The following XRCC1 variants were observed in gnomAD, a reference collection of about 807,000 sequenced individuals.
The protein encoded by XRCC1 is X-ray repair cross complementing 1, also known as DNA repair protein XRCC1.
A neutral mutation model predicts 83.3 loss-of-function variants in XRCC1; 52 were observed. The observed-to-expected ratio is 0.62, with a 90% CI of 0.50 to 0.79. The LOEUF (loss-of-function observed/expected upper bound fraction) is 0.79. XRCC1 is among the 30% of genes least tolerant of loss of function. The probability of loss-of-function intolerance (pLI) is 0.00; values close to 1 mark genes in which losing one functional copy is unlikely to be tolerated. For synonymous variants in XRCC1, 281 were observed against 312.6 expected (o/e 0.90, Z 1.07); for missense variants, 793 against 823.5 (o/e 0.96, Z 0.45).
intron 2 of XRCC1, among the ~76,000 whole-genome samples, chr19:43,562,577 C>G (rs1189994331): frequency 1.3e-5 from 2 of 152,102 alleles, no homozygotes; most frequent in African/African-American, 4.8e-5. Context: ...GACCTTGTCT[C>G]TACAAAAATT....
At position 43,543,645 on chromosome 19, in the gene XRCC1, G is replaced by T. The variant is rs746529371; in HGVS notation, c.1755C>A (p.Ile585=). 1 of 1,613,862 alleles carries T rather than the reference G, an allele frequency of 6.2e-7. No homozygotes were observed. Among genetic ancestry groups the T allele is most frequent in the African/African-American group, 1.3e-5 (1 of 74,836 alleles). Residue 585 remains isoleucine, a synonymous_variant, in exon 16 of 17, where the codon ATC becomes ATA. Transcript: ENST00000262887. ...DYMSDRVQFV[I]TAQEWDPSFE... The stretch of plus-strand genomic sequence containing the variant: ...AGCTGGGATCCCATTCCTGTGCTGT[G>T]ATCACAAACTGAACCCGGTCACTCA...
At chr19:43,548,608 C>T (rs1972542346) in intron 10 of XRCC1, among the ~76,000 whole-genome samples, 2 of 152,154 alleles carry the variant, frequency 1.3e-5, no homozygotes, top group Admixed American at 6.5e-5. Context: ...ACTCCCTAAT[C>T]TCAAGTACCC....
At chr19:43,555,104 C>T (rs1972622489) in intron 3 of XRCC1, 1 of 243,390 alleles carries the variant, frequency 4.1e-6, no homozygotes, top group Admixed American at 5.5e-5. Context: ...ACTTTCCCGG[C>T]AGAGAATATT....
Position 43,554,684 on chromosome 19 carries a change from C to T in XRCC1, c.376G>A (p.Asp126Asn). The change falls in exon 4 of 17, where the codon GAC becomes AAC. Residue 126 changes from aspartate (D) to asparagine (N), a missense_variant. Coordinates refer to ENST00000262887, the MANE Select transcript of XRCC1 (RefSeq NM_006297.3). ...LVRAAAEKRW[D>N]RVKIVCSQPY... ...TGGCTGCAAACAATTTTGACCCGGT[C>T]CCAGCGCTTCTCGGCGGCTGCCCGG... is the stretch of plus-strand genomic sequence containing the variant. 6.2e-7 allele frequency: 1 copy of T among 1,613,904 alleles called. No individual in the cohort carries two copies. Among genetic ancestry groups the T allele is most frequent in the Non-Finnish European group, 8.5e-7 (1 of 1,179,844 alleles).
chr19:43,560,368 C>T (rs1260781120), intron 3 of XRCC1, among the ~76,000 whole-genome samples: 2 of 151,440 alleles, frequency 1.3e-5, no homozygotes, highest in Non-Finnish European at 2.9e-5. Flanking sequence ...TGCACTCACT[C>T]CAGCCTGGGC....
chr19:43,561,363 T>C (rs1972697395), intron 2 of XRCC1, among the ~76,000 whole-genome samples: 1 of 152,184 alleles, frequency 6.6e-6, no homozygotes, highest in African/African-American at 2.4e-5. Context: ...CAAATCATCA[T>C]GCAGACAAAC....
rs188496067 is a variant in XRCC1 at position 43,547,069 on chromosome 19, T to C, written c.1200-92A>G. On this transcript the variant is annotated intron_variant, in intron 10 of 16. Coordinates refer to ENST00000262887, the MANE Select transcript of XRCC1 (RefSeq NM_006297.3). ...CAGCCATTGGCATTTACTAAAATAC[T>C]CACTCTAGTGGGCCTCATGGTCTTG... 1.3e-4 allele frequency: 159 copies of C among 1,223,458 alleles called. 1 individual carries two copies. The African/African-American group carries it at 2.2e-3, about 17-fold the overall frequency. The allele number at this position is 1,223,458 out of a possible 1,614,324, so 75.8% of individuals were successfully genotyped here. A position where few individuals can be genotyped will look rare whatever the true frequency, so the allele number is the denominator to read the frequency against.
In XRCC1 at chr19:43,543,402, G is replaced by GCA; in HGVS notation, c.1891_1892insTG (p.Pro631LeufsTer25). ...TGTATAGCACATACTTCAGGCTTGC[G>GCA]GCACCACCCCATAGAGCTGGTGAGG... On this transcript the variant is annotated frameshift_variant, in exon 17 of 17. Transcript: ENST00000262887. LOFTEE classifies it high-confidence loss of function. 2 of 1,606,312 alleles carry GCA rather than the reference G, an allele frequency of 1.2e-6. No homozygotes were observed. Among genetic ancestry groups the GCA allele is most frequent in the Non-Finnish European group, 1.7e-6 (2 of 1,176,234 alleles).
At chr19:43,559,619 T>C (rs1009767725) in intron 3 of XRCC1, among the ~76,000 whole-genome samples, 72 of 151,068 alleles carry the variant, frequency 4.8e-4, no homozygotes, top group African/African-American at 1.6e-3. Flanking sequence ...GAAGAAAACA[T>C]AGGAGACAGG....
intron 3 of XRCC1, among the ~76,000 whole-genome samples, chr19:43,560,321 G>C (rs771853009): frequency 6.6e-6 from 1 of 151,818 alleles, no homozygotes; most frequent in Non-Finnish European, 1.5e-5. Flanking sequence ...GCTTGAACCC[G>C]GGAGGCAGAG....
chr19:43,553,993 T>C (rs1972609847), intron 4 of XRCC1, among the ~76,000 whole-genome samples: 1 of 152,168 alleles, frequency 6.6e-6, no homozygotes, highest in Admixed American at 6.5e-5. Context: ...GAGGGAGTGC[T>C]GCGTGCCACT....
chr19:43,570,672 C>T (rs911121217), intron 2 of XRCC1, among the ~76,000 whole-genome samples: 1 of 152,168 alleles, frequency 6.6e-6, no homozygotes, highest in African/African-American at 2.4e-5. Context: ...GTAGTCCCAG[C>T]TATCTGGGAG....
intron 2 of XRCC1, among the ~76,000 whole-genome samples, chr19:43,570,685 T>C (rs1237646884): frequency 6.6e-6 from 1 of 152,138 alleles, no homozygotes; most frequent in Non-Finnish European, 1.5e-5. Flanking sequence ...TCTGGGAGGC[T>C]GAGGTGGGAG....
At chr19:43,545,795 G>T (rs25475) in intron 14 of XRCC1, 23 bp downstream of exon 14, 5 of 1,612,476 alleles carry the variant, frequency 3.1e-6, no homozygotes, top group Non-Finnish European at 4.2e-6. Flanking sequence ...TGCCACTTCA[G>T]GAGGGATGGG....
intron 2 of XRCC1, among the ~76,000 whole-genome samples, chr19:43,572,003 G>A (rs1372223717): frequency 1.3e-5 from 2 of 152,118 alleles, no homozygotes; most frequent in Non-Finnish European, 2.9e-5. Flanking sequence ...CCTCCTGGAT[G>A]CCACCCCTAG....
chr19:43,573,746 A>C (rs1038644931), intron 2 of XRCC1, among the ~76,000 whole-genome samples: 1 of 152,028 alleles, frequency 6.6e-6, no homozygotes, highest in African/African-American at 2.4e-5. Flanking sequence ...ATGGTGGTGC[A>C]CACCTGCAGT....
At chr19:43,567,998 C>T (rs1972770086) in intron 2 of XRCC1, among the ~76,000 whole-genome samples, 1 of 151,528 alleles carries the variant, frequency 6.6e-6, no homozygotes, top group Admixed American at 6.6e-5. Flanking sequence ...CCTCAGCCTC[C>T]CAGGTAGCTG....
intron 16 of XRCC1, 39 bp from the exon 17 acceptor site, chr19:43,543,544 C>T (rs189634883): frequency 7.4e-6 from 12 of 1,613,296 alleles, no homozygotes; most frequent in African/African-American, 5.3e-5. Flanking sequence ...AATGTGTCAT[C>T]GAGGGGAGGA....
chr19:43,546,296 AC>A (rs1396962674), intron 12 of XRCC1, among the ~76,000 whole-genome samples, 190 bp from the exon 13 acceptor site: 2 of 144,654 alleles, frequency 1.4e-5, no homozygotes, highest in African/African-American at 2.6e-5. Flanking sequence ...CCTCCCTCAG[AC>A]CCAGGAGTCC....
Sources: allele counts gnomAD v4.1 joint callset (sites outside exome capture counted in the v4.1 genomes callset), GRCh38; gene constraint gnomAD v4.1.1; transcripts MANE v1.5; gene names NCBI Gene and HGNC (gene_info 2026-07-23, HGNC 2026-07-21).